The following SNX29 variants were observed in gnomAD, a reference collection of about 807,000 sequenced individuals.
SNX29 encodes the protein sorting nexin-29.
A neutral mutation model predicts 102.1 loss-of-function variants in SNX29; 78 were observed. That is an observed-to-expected ratio of 0.76 (90% CI 0.64 to 0.92). The LOEUF (loss-of-function observed/expected upper bound fraction) is 0.92, where lower values mean the gene tolerates loss of function less well. Ranked by LOEUF, SNX29 falls within the 40% of genes least tolerant of loss-of-function variation. The probability of loss-of-function intolerance (pLI) is 0.00; values close to 1 mark genes in which losing one functional copy is unlikely to be tolerated. For synonymous variants in SNX29, 580 were observed against 414.5 expected, an observed-to-expected ratio of 1.40 and a Z score of -4.85; for missense variants, 1,280 against 1,061.7, an observed-to-expected ratio of 1.21 and a Z score of -2.86.
chr16:12,464,697 C>G (rs1467193482), intron 18 of SNX29, among the ~76,000 whole-genome samples: 2 of 152,172 alleles, frequency 1.3e-5, no homozygotes, highest in African/African-American at 2.4e-5. Context: ...TCAAGGGATC[C>G]TCCCACCTCA....
intron 18 of SNX29, among the ~76,000 whole-genome samples, chr16:12,462,588 C>T (rs2086854338): frequency 7.4e-6 from 1 of 134,834 alleles, no homozygotes; most frequent in African/African-American, 2.9e-5. Flanking sequence ...CTGGGGATTT[C>T]ATTATACACA....
At chr16:12,561,118 A>C (rs932032327) in intron 20 of SNX29, 1 of 227,838 alleles carries the variant, frequency 4.4e-6, no homozygotes, top group African/African-American at 2.2e-5. Flanking sequence ...CGGGGCACCC[A>C]TCACGCAGTC....
intron 3 of SNX29, among the ~76,000 whole-genome samples, chr16:12,024,488 A>G (rs2057132882): frequency 6.6e-6 from 1 of 152,116 alleles, no homozygotes; most frequent in African/African-American, 2.4e-5. Flanking sequence ...CTCAGATCCA[A>G]ACTGGAGGTG....
rs372014623 is a variant in SNX29 at position 12,464,607 on chromosome 16, A to T, written c.2038-13112A>T. 3.9e-5 allele frequency among the ~76,000 whole-genome samples: 6 copies of T among 151,914 alleles called. No homozygotes were observed. The East Asian group carries it at 1.2e-3, about 29-fold the overall frequency. On this transcript the variant is annotated intron_variant, in intron 18 of 20. Coordinates refer to ENST00000566228, the MANE Select transcript of SNX29 (RefSeq NM_032167.5). ...TAGCTGGGACTTACAGGCATGTACC[A>T]CCACACCTGGCTAATTTTTAAACTT...
chr16:12,030,048 G>T (rs1232898413), intron 4 of SNX29, among the ~76,000 whole-genome samples: 1 of 152,166 alleles, frequency 6.6e-6, no homozygotes, highest in South Asian at 2.1e-4. Flanking sequence ...CTGTCTGTTC[G>T]GCAGCCTTGG....
In SNX29 at chr16:12,410,580, G is replaced by A. The variant is rs553513616; in HGVS notation, c.2037+7051G>A. ...CCTGCCTCAGCCTCCTAAGTATCTGGAACTGTAGGCATGTACCACAATGCC... is the reference window on the plus strand; with the variant it reads ...CCTGCCTCAGCCTCCTAAGTATCTGAAACTGTAGGCATGTACCACAATGCC... On this transcript the variant is annotated intron_variant, in intron 18 of 20. Coordinates refer to ENST00000566228, the MANE Select transcript of SNX29 (RefSeq NM_032167.5). Among the ~76,000 whole-genome samples the A allele has an allele frequency of 1.2e-3, 183 of 152,134 alleles. 1 individual carries two copies. The highest frequency in any genetic ancestry group is 3.9e-3 in the African/African-American group (163 of 41,496).
intron 1 of SNX29, among the ~76,000 whole-genome samples, chr16:11,982,037 T>C (rs1166280082): frequency 1.3e-5 from 2 of 150,574 alleles, no homozygotes; most frequent in African/African-American, 4.9e-5. Context: ...AGATCTCATC[T>C]CAATTAAAAA....
intron 13 of SNX29, among the ~76,000 whole-genome samples, chr16:12,161,288 C>T (rs1384069739): frequency 2.0e-5 from 3 of 152,234 alleles, no homozygotes; most frequent in Admixed American, 1.3e-4. Flanking sequence ...TTTCCACTCT[C>T]TTCTTTGCCC....
rs188584297 is a variant in SNX29, at chr16:12,059,288, G to C, written c.1125-2240G>C. 1.2e-3 allele frequency among the ~76,000 whole-genome samples: 177 copies of C among 152,334 alleles called. 1 individual carries two copies. The highest frequency in any genetic ancestry group is 4.0e-3 in the African/African-American group (168 of 41,586). On this transcript the variant is annotated intron_variant, in intron 8 of 20. Transcript: ENST00000566228. ...GCTTTTGCTGCCTTCTCCTGAAAGG[G>C]CGCCCCTGACCACCTCTGGGTGCCG...
intron 14 of SNX29, among the ~76,000 whole-genome samples, chr16:12,215,093 A>T (rs961160724): frequency 6.6e-6 from 1 of 152,194 alleles, no homozygotes; most frequent in African/African-American, 2.4e-5. Context: ...ATAATAGCCA[A>T]CATGCATTAA....
intron 18 of SNX29, among the ~76,000 whole-genome samples, chr16:12,434,746 A>G (rs1235538487): frequency 2.0e-5 from 3 of 152,112 alleles, no homozygotes; most frequent in Non-Finnish European, 4.4e-5. Context: ...AGTACAGGTC[A>G]GACAGGCCTT....
At chr16:12,340,700 C>G (rs1468128961) in intron 15 of SNX29, among the ~76,000 whole-genome samples, 7 of 152,128 alleles carry the variant, frequency 4.6e-5, no homozygotes. Context: ...GGGACGATCT[C>G]CCCTGTCTCT....
At chr16:12,251,940 T>A (rs1394571308) in intron 14 of SNX29, among the ~76,000 whole-genome samples, 2 of 151,976 alleles carry the variant, frequency 1.3e-5, no homozygotes, top group African/African-American at 4.8e-5. Context: ...TTAAAAACTT[T>A]GTTAGAGATG....
At chr16:12,433,652 GA>G (rs1287353973) in intron 18 of SNX29, among the ~76,000 whole-genome samples, 2 of 37,010 alleles carry the variant, frequency 5.4e-5, no homozygotes. Context: ...AAAAAAAAAG[GA>G]AACTTAGCTG....
chr16:12,343,182 G>C (rs190336898), intron 15 of SNX29, among the ~76,000 whole-genome samples: 17 of 152,276 alleles, frequency 1.1e-4, no homozygotes, highest in African/African-American at 3.9e-4. Flanking sequence ...CAAGACATGA[G>C]AACACGACAA....
intron 11 of SNX29, among the ~76,000 whole-genome samples, chr16:12,099,115 G>A (rs1405409214): frequency 6.6e-6 from 1 of 152,236 alleles, no homozygotes; most frequent in East Asian, 1.9e-4. Flanking sequence ...GCTGTTGTTA[G>A]ATACATGGCT....
chr16:12,563,003 T>G (rs1567209341), intron 20 of SNX29, among the ~76,000 whole-genome samples: 1 of 150,422 alleles, frequency 6.6e-6, no homozygotes, highest in Non-Finnish European at 1.5e-5. Flanking sequence ...ACTGCTTCAA[T>G]GCGCCTTTCA....
rs1239585639 is a variant in SNX29 at position 12,403,234 on chromosome 16, GTGTGTGTGTGTGTGTGTGTGT to G, written c.1956-213_1956-193del. Among the ~76,000 whole-genome samples, 9 of 148,722 alleles carry G rather than the reference GTGTGTGTGTGTGTGTGTGTGT, an allele frequency of 6.1e-5. No homozygotes were observed. The East Asian group carries it at 7.9e-4, about 13-fold the overall frequency. On this transcript the variant is annotated intron_variant, in intron 17 of 20. Coordinates refer to ENST00000566228, the MANE Select transcript of SNX29 (RefSeq NM_032167.5). Reference sequence around the variant, plus strand: ...TGTGTGTGTGTGTGTGTGTGTGTGTGTGTGTGTGTGTGTGTGTGTGTAGAGAGAGACAGACTGAGTGATGAC... The same window carrying G: ...TGTGTGTGTGTGTGTGTGTGTGTGTGAGAGAGAGACAGACTGAGTGATGAC...
intron 13 of SNX29, among the ~76,000 whole-genome samples, chr16:12,142,305 T>C (rs550346684): frequency 6.6e-6 from 1 of 152,274 alleles, no homozygotes; most frequent in African/African-American, 2.4e-5. Flanking sequence ...TTCCCTTGGC[T>C]GAGTCTCCTG....
Sources: allele counts gnomAD v4.1 joint callset (sites outside exome capture counted in the v4.1 genomes callset), GRCh38; gene constraint gnomAD v4.1.1; transcripts MANE v1.5; gene names NCBI Gene and HGNC (gene_info 2026-07-23, HGNC 2026-07-21).